PHIP: variants seen among roughly 807,000 people sequenced by gnomAD.
The protein encoded by PHIP is PHIP subunit of CUL4-Ring ligase complex.
PHIP carries 54 observed loss-of-function variants against 236.8 expected under a neutral mutation model. That is an observed-to-expected ratio of 0.23 (90% CI 0.18 to 0.29). PHIP has a LOEUF of 0.29. Ranked by LOEUF, PHIP falls within the 10% of genes least tolerant of loss-of-function variation. PHIP has a pLI of 1.00. For synonymous variants in PHIP, 756 were observed against 718.9 expected, an observed-to-expected ratio of 1.05 and a Z score of -0.83; for missense variants, 1,370 against 2,190.8, an observed-to-expected ratio of 0.63 and a Z score of 7.48.
intron 6 of PHIP, among the ~76,000 whole-genome samples, chr6:79,052,880 TCA>T (rs1582290428): frequency 6.6e-6 from 1 of 152,084 alleles, no homozygotes; most frequent in Admixed American, 6.6e-5. Flanking sequence ...ATAAAGAATT[TCA>T]CAGAGAAGGC....
At chr6:79,050,366 T>C (rs779659075) in intron 6 of PHIP, among the ~76,000 whole-genome samples, 2 of 152,176 alleles carry the variant, frequency 1.3e-5, no homozygotes, top group Non-Finnish European at 2.9e-5. Context: ...TTATTCCCAA[T>C]AAGCAGATAT....
chr6:78,967,503 C>T (rs1223156673), intron 27 of PHIP, among the ~76,000 whole-genome samples: 2 of 152,106 alleles, frequency 1.3e-5, no homozygotes, highest in Admixed American at 1.3e-4. Context: ...TACTGAAGTC[C>T]ACCATTGAGA....
chr6:78,946,001 T>C lies in PHIP; in HGVS notation c.4630A>G (p.Ile1544Val), dbSNP rs201316256. Residue 1544 changes from isoleucine to valine, a missense_variant and splice_region_variant, in exon 38 of 40, where the codon ATA (isoleucine) becomes GTA (valine). Physicochemically the swap from Ile to Val is conservative, Grantham distance 29. Transcript: ENST00000275034. Reference protein sequence around the residue: ...ANASAIPGKTILENSVKHSKA... With the variant: ...ANASAIPGKTVLENSVKHSKA... ...TTTCAATTTAGAAAGTGAGTCTTACTTGTTTTCCCTGGTATTGCAGATGCA... is the reference window on the plus strand; with the variant it reads ...TTTCAATTTAGAAAGTGAGTCTTACCTGTTTTCCCTGGTATTGCAGATGCA... 199 of 1,600,268 alleles carry C rather than the reference T, an allele frequency of 1.2e-4. 1 individual carries two copies. The South Asian group carries it at 1.6e-3, about 13-fold the overall frequency.
chr6:78,956,363 T>G (rs1766416130), intron 32 of PHIP: 1 of 152,156 alleles, frequency 6.6e-6, no homozygotes, highest in Non-Finnish European at 1.5e-5. Flanking sequence ...CTTTCTCACT[T>G]TCATAAATTA....
In PHIP at chr6:78,945,434, C is replaced by T; in HGVS notation, c.4694G>A (p.Ser1565Asn). 2 of 1,611,758 alleles carry T rather than the reference C, an allele frequency of 1.2e-6. No individual in the cohort carries two copies. Among genetic ancestry groups the T allele is most frequent in the African/African-American group, 1.3e-5 (1 of 74,982 alleles). Reference protein sequence around the residue: ...LNTLSSPGQSSFSHGTRNNSA... With the variant: ...LNTLSSPGQSNFSHGTRNNSA... The stretch of plus-strand genomic sequence containing the variant: ...ATTATTCCTAGTGCCATGACTAAAA[C>T]TGGATTGACCAGGACTGGAAAGAGT... Residue 1565 changes from serine (S) to asparagine (N), a missense_variant, in exon 39 of 40, where the codon AGT becomes AAT. By Grantham distance (46) the Ser-to-Asn change is conservative. This residue lies in a region of PHIP where 309 missense variants were observed against 328.3 expected (regional missense o/e 0.94). Coordinates refer to ENST00000275034, the MANE Select transcript of PHIP (RefSeq NM_017934.7).
At chr6:78,951,655 C>T (rs1029762062) in intron 35 of PHIP, among the ~76,000 whole-genome samples, 1 of 152,126 alleles carries the variant, frequency 6.6e-6, no homozygotes, top group Non-Finnish European at 1.5e-5. Flanking sequence ...TTGCCTAACA[C>T]GTTTAGCTGG....
chr6:78,980,013 T>C (rs1301612761), intron 23 of PHIP, among the ~76,000 whole-genome samples: 2 of 152,076 alleles, frequency 1.3e-5, no homozygotes, highest in East Asian at 3.9e-4. Flanking sequence ...GTAAAGGTCT[T>C]TGGAATTTAC....
In PHIP at chr6:79,074,367, CATT is replaced by C. The variant is rs569844064; in HGVS notation, c.189+3078_189+3080del. The stretch of plus-strand genomic sequence containing the variant: ...CTAGATCTCGTAAATATGCAATCAT[CATT>C]AAGTGACAACTAGAAAGCAGACTTA... On this transcript the variant is annotated intron_variant, in intron 4 of 39. Transcript: ENST00000275034. 3.1e-3 allele frequency among the ~76,000 whole-genome samples: 476 copies of C among 152,038 alleles called. 3 individuals are homozygous for C. Among genetic ancestry groups the C allele is most frequent in the African/African-American group, 0.011 (438 of 41,502 alleles).
At position 79,022,484 on chromosome 6, in the gene PHIP, C is replaced by T. The variant is rs75025424; in HGVS notation, c.923+3035G>A. Among the ~76,000 whole-genome samples the T allele has an allele frequency of 8.0e-3, 1,221 of 152,208 alleles. 13 individuals carry two copies. Among genetic ancestry groups the T allele is most frequent in the African/African-American group, 0.027 (1,123 of 41,518 alleles). On this transcript the variant is annotated intron_variant, in intron 9 of 39. Transcript: ENST00000275034. ...GCTAACAATGTAACCTGCTGTGCCC[C>T]AGGTTTTTCCCTTATCTGCCCCAGA...
chr6:79,077,407 T>A (rs1432241465), intron 4 of PHIP, 41 bp downstream of exon 4: 2 of 1,529,364 alleles, frequency 1.3e-6, no homozygotes, highest in African/African-American at 2.8e-5. Flanking sequence ...TTTATTCGAC[T>A]CAGGGAAAAG....
chr6:79,051,280 C>G (rs4706080), intron 6 of PHIP, among the ~76,000 whole-genome samples: 6 of 151,826 alleles, frequency 4.0e-5, no homozygotes, highest in African/African-American at 1.5e-4. Context: ...AATAAATCAC[C>G]GTAATAGTAA....
intron 9 of PHIP, among the ~76,000 whole-genome samples, chr6:79,022,421 C>T (rs537091553): frequency 2.2e-4 from 33 of 152,232 alleles, no homozygotes; most frequent in African/African-American, 7.9e-4. Context: ...TGACATTATA[C>T]CTCTAGTAGT....
At chr6:78,987,394 G>A (rs1458448520) in intron 21 of PHIP, among the ~76,000 whole-genome samples, 1 of 151,874 alleles carries the variant, frequency 6.6e-6, no homozygotes, top group East Asian at 1.9e-4. Flanking sequence ...TTTTGACCTG[G>A]CTATATGAGG....
intron 7 of PHIP, among the ~76,000 whole-genome samples, chr6:79,028,893 A>G (rs1221046440): frequency 2.0e-5 from 3 of 152,202 alleles, no homozygotes; most frequent in Non-Finnish European, 2.9e-5. Context: ...TAAAAACACC[A>G]GTCTTTTGAC....
chr6:79,070,106 T>C (rs1773810324), intron 4 of PHIP, among the ~76,000 whole-genome samples: 1 of 152,180 alleles, frequency 6.6e-6, no homozygotes, highest in Non-Finnish European at 1.5e-5. Context: ...AAAGTAGGGA[T>C]GCTCCATAAA....
At chr6:78,945,891 C>T (rs1303865793) in intron 38 of PHIP, 110 bp downstream of exon 38, 2 of 770,326 alleles carry the variant, frequency 2.6e-6, no homozygotes, top group African/African-American at 1.8e-5. Context: ...AAGGCAAAAA[C>T]AACAGTGTCT....
chr6:78,948,251 G>A (rs1343973443), intron 35 of PHIP, among the ~76,000 whole-genome samples: 1 of 152,038 alleles, frequency 6.6e-6, no homozygotes, highest in Non-Finnish European at 1.5e-5. Context: ...CTCAACTTCA[G>A]TACTAAAATT....
chr6:79,077,147 C>A (rs1774210843), intron 4 of PHIP, among the ~76,000 whole-genome samples: 2 of 151,828 alleles, frequency 1.3e-5, no homozygotes, highest in Admixed American at 6.6e-5. Flanking sequence ...CCCGCACGGA[C>A]GCGCGCGCCG....
At chr6:79,045,675 G>A (rs1772449651) in intron 6 of PHIP, among the ~76,000 whole-genome samples, 1 of 152,088 alleles carries the variant, frequency 6.6e-6, no homozygotes, top group African/African-American at 2.4e-5. Context: ...AAAAGGAAAT[G>A]TCTCTTGGAT....
Sources: allele counts gnomAD v4.1 joint callset (sites outside exome capture counted in the v4.1 genomes callset), GRCh38; gene constraint gnomAD v4.1.1; regional missense constraint gnomAD v4.1.1; transcripts MANE v1.5; gene names NCBI Gene and HGNC (gene_info 2026-07-23, HGNC 2026-07-21).